COL25A1: variants seen among roughly 807,000 people sequenced by gnomAD.
COL25A1 encodes collagen alpha-1(XXV) chain.
COL25A1 carries 103 observed loss-of-function variants against 128.4 expected under a neutral mutation model. The ratio of observed to expected loss-of-function variants is 0.80; its 90% CI spans 0.68 to 0.94. The LOEUF (loss-of-function observed/expected upper bound fraction) is 0.94. Among genes scored for constraint, COL25A1 ranks in the 40% least tolerant of loss-of-function variants. COL25A1 has a pLI of 0.00. For synonymous variants in COL25A1, 279 were observed against 277.2 expected (o/e 1.01, Z -0.06); for missense variants, 745 against 840.0 (o/e 0.89, Z 1.40).
At chr4:108,855,084 A>T (rs1437841572) in intron 24 of COL25A1, among the ~76,000 whole-genome samples, 1 of 152,074 alleles carries the variant, frequency 6.6e-6, no homozygotes. Flanking sequence ...GACTCTGGTC[A>T]TAGAGAAACA....
At chr4:108,832,327 C>T in intron 32 of COL25A1, 53 bp downstream of exon 32, 2 of 1,247,976 alleles carry the variant, frequency 1.6e-6, no homozygotes, top group South Asian at 1.3e-5. Context: ...TATGGAAAAG[C>T]CATGCTCTGT....
chr4:108,933,331 G>C (rs1560887686), intron 11 of COL25A1, among the ~76,000 whole-genome samples: 1 of 152,044 alleles, frequency 6.6e-6, no homozygotes, highest in Non-Finnish European at 1.5e-5. Context: ...AAATGTAGTG[G>C]GGTTTACATA....
At chr4:109,155,739 G>A (rs1771971376) in intron 3 of COL25A1, among the ~76,000 whole-genome samples, 1 of 152,190 alleles carries the variant, frequency 6.6e-6, no homozygotes, top group Non-Finnish European at 1.5e-5. Flanking sequence ...CAATTCAGAT[G>A]TCCAAAGTTC....
intron 26 of COL25A1, among the ~76,000 whole-genome samples, chr4:108,850,541 T>G (rs1383469145): frequency 6.6e-6 from 1 of 152,072 alleles, no homozygotes. Context: ...GACTCAACCC[T>G]CCTCCATATT....
At chr4:109,006,711 C>T (rs868540528) in intron 6 of COL25A1, among the ~76,000 whole-genome samples, 3 of 152,086 alleles carry the variant, frequency 2.0e-5, no homozygotes, top group Non-Finnish European at 4.4e-5. Context: ...AACTCTGCTG[C>T]ACATATTGAT....
intron 3 of COL25A1, among the ~76,000 whole-genome samples, chr4:109,211,641 T>C (rs1560875620): frequency 6.6e-6 from 1 of 152,026 alleles, no homozygotes; most frequent in Admixed American, 6.6e-5. Context: ...ATTAAAGATG[T>C]TAAGAGAAAG....
rs532122288 is a variant in COL25A1 at position 109,241,159 on chromosome 4, G to A, written c.367+59424C>T. On this transcript the variant is annotated intron_variant, in intron 3 of 37. Coordinates refer to ENST00000399132, the MANE Select transcript of COL25A1 (RefSeq NM_198721.4). ...TTTTCTGGGATGTAAGAGGTTTTTT[G>A]TTTGGTTTAGTTTTTCCTTTTTTAA... Among the ~76,000 whole-genome samples the A allele has an allele frequency of 1.3e-4, 19 of 152,000 alleles. No homozygotes were observed. The East Asian group carries it at 3.5e-3, about 28-fold the overall frequency.
chr4:108,898,753 GC>G (rs146715055), intron 15 of COL25A1, among the ~76,000 whole-genome samples: 53 of 152,210 alleles, frequency 3.5e-4, no homozygotes, highest in Non-Finnish European at 5.4e-4. Flanking sequence ...GATTTTGCAG[GC>G]CTAAGGATTT....
chr4:109,188,773 A>G (rs1775350381), intron 3 of COL25A1, among the ~76,000 whole-genome samples: 1 of 152,308 alleles, frequency 6.6e-6, no homozygotes, highest in Non-Finnish European at 1.5e-5. Flanking sequence ...ACATCTAAAC[A>G]TTATCTGCCA....
chr4:108,961,422 A>T (rs1750661459), intron 8 of COL25A1, among the ~76,000 whole-genome samples: 1 of 152,240 alleles, frequency 6.6e-6, no homozygotes, highest in Non-Finnish European at 1.5e-5. Context: ...ATAATTCTTA[A>T]TATAAGAAGT....
At chr4:109,102,948 A>G (rs989423794) in intron 3 of COL25A1, among the ~76,000 whole-genome samples, 2 of 152,160 alleles carry the variant, frequency 1.3e-5, no homozygotes, top group East Asian at 1.9e-4. Context: ...TTATGTTTAA[A>G]TTTAAATCTT....
chr4:108,926,947 A>G (rs17596971), intron 11 of COL25A1, among the ~76,000 whole-genome samples: 37,951 of 151,910 alleles, frequency 0.25, 5,865 homozygotes, highest in South Asian at 0.49. Context: ...AATGTTTTCA[A>G]TGTAAAAGCC....
chr4:108,989,410 G>A (rs1753959475), intron 6 of COL25A1, among the ~76,000 whole-genome samples: 1 of 152,086 alleles, frequency 6.6e-6, no homozygotes, highest in Non-Finnish European at 1.5e-5. Flanking sequence ...CACGTAAGAA[G>A]TTTCAAGGAA....
chr4:109,065,528 C>T (rs959763729), intron 3 of COL25A1, among the ~76,000 whole-genome samples: 1 of 135,070 alleles, frequency 7.4e-6, no homozygotes, highest in Non-Finnish European at 1.5e-5. Flanking sequence ...CTTTTTGGTG[C>T]AGCACGCGCG....
rs903968403 is a variant in COL25A1, at chr4:108,808,813, T to C, written c.*5114A>G. The C allele has an allele frequency of 6.6e-6, 1 of 152,208 alleles. No individual in the cohort carries two copies. The highest frequency in any genetic ancestry group is 6.5e-5 in the Admixed American group (1 of 15,274). 9.4% of individuals were successfully genotyped at this position (152,208 alleles called of 1,614,324 possible). On this transcript the variant is annotated 3_prime_UTR_variant, in exon 38 of 38. Coordinates refer to ENST00000399132, the MANE Select transcript of COL25A1 (RefSeq NM_198721.4). ...TGTAATAATTACACACTTTTTACAT[T>C]ATGAAAATAAGTCATAAATAGTGTA...
intron 8 of COL25A1, among the ~76,000 whole-genome samples, chr4:108,943,831 A>AAAAC (rs1748422796): frequency 6.6e-6 from 1 of 151,784 alleles, no homozygotes; most frequent in African/African-American, 2.4e-5. Context: ...TTTCAAAAAA[A>AAAAC]AAAAAACACA....
At chr4:109,038,702 C>T (rs77319385) in intron 5 of COL25A1, among the ~76,000 whole-genome samples, 27 of 152,280 alleles carry the variant, frequency 1.8e-4, no homozygotes, top group Non-Finnish European at 3.2e-4. Context: ...TAAATATCTC[C>T]ACTTAGCTGT....
At chr4:108,840,087 C>T (rs1455645660) in intron 31 of COL25A1, among the ~76,000 whole-genome samples, 1 of 151,548 alleles carries the variant, frequency 6.6e-6, no homozygotes, top group Non-Finnish European at 1.5e-5. Flanking sequence ...ACTAAAAATA[C>T]AAAAATTAGC....
chr4:108,834,265 G>T, intron 31 of COL25A1: 1 of 1,307,340 alleles, frequency 7.6e-7, no homozygotes, highest in Non-Finnish European at 1.1e-6. Context: ...CTCATCATTT[G>T]ATGAGAGGAC....
Sources: gnomAD v4.1 joint callset for allele counts (sites outside exome capture counted in the v4.1 genomes callset) on GRCh38, gnomAD v4.1.1 for gene constraint, MANE v1.5 for transcripts, NCBI Gene and HGNC (gene_info 2026-07-23, HGNC 2026-07-21) for gene names.